The following MGRN1 variants were observed in gnomAD, a reference collection of about 807,000 sequenced individuals.
MGRN1 encodes mahogunin ring finger 1, also known as E3 ubiquitin-protein ligase MGRN1.
In MGRN1, 29 loss-of-function variants were observed where a neutral mutation model predicts 69.2. The ratio of observed to expected loss-of-function variants is 0.42; its 90% confidence interval spans 0.31 to 0.57. The LOEUF is 0.57. MGRN1 is among the 20% of genes least tolerant of loss of function. The probability of loss-of-function intolerance (pLI) is 0.15; values close to 1 mark genes in which losing one functional copy is unlikely to be tolerated. For missense variants in MGRN1, 998 were observed against 796.2 expected, an observed-to-expected ratio of 1.25 and a Z score of -3.05; for synonymous variants, 470 against 344.2, an observed-to-expected ratio of 1.37 and a Z score of -4.04.
intron 1 of MGRN1, among the ~76,000 whole-genome samples, chr16:4,643,156 A>G (rs1358272225): frequency 1.3e-5 from 2 of 151,832 alleles, no homozygotes; most frequent in Non-Finnish European, 2.9e-5. Context: ...GGATTTCGCC[A>G]TGTTGGCCAG....
chr16:4,651,266 G>C (rs772003876), intron 2 of MGRN1, among the ~76,000 whole-genome samples: 2 of 152,188 alleles, frequency 1.3e-5, no homozygotes, highest in African/African-American at 4.8e-5. Flanking sequence ...TGAGCTGTCT[G>C]TTCAGCACAC....
chr16:4,628,007 G>T (rs1423411562), intron 1 of MGRN1, among the ~76,000 whole-genome samples: 1 of 149,146 alleles, frequency 6.7e-6, no homozygotes, highest in Admixed American at 6.7e-5. Flanking sequence ...GTGAACCCAG[G>T]AGGCGGAGGT....
Position 4,665,101 on chromosome 16 carries a change from G to A in MGRN1, c.629-1G>A, listed in dbSNP as rs1388873921. On this transcript the variant is annotated splice_acceptor_variant, in intron 6 of 16. Coordinates refer to ENST00000262370, the MANE Select transcript of MGRN1 (RefSeq NM_015246.4). LOFTEE classifies it high-confidence loss of function. ...CTACTCTGCCCCTCTCTCCCCAGCA[G>A]TGGTGGAAGTGACTGGCCACGCCCA... The A allele has an allele frequency of 6.2e-7, 1 of 1,614,264 alleles. No individual in the cohort carries two copies. The highest frequency in any genetic ancestry group is 1.7e-5 in the Admixed American group (1 of 60,026).
chr16:4,658,901 G>A (rs753785875), intron 5 of MGRN1: 3 of 152,230 alleles, frequency 2.0e-5, no homozygotes, highest in African/African-American at 7.2e-5. Flanking sequence ...GGAGGCTGAG[G>A]TGGGAAGATC....
chr16:4,660,395 A>G (rs1567205009), intron 5 of MGRN1, among the ~76,000 whole-genome samples: 1 of 152,254 alleles, frequency 6.6e-6, no homozygotes, highest in African/African-American at 2.4e-5. Flanking sequence ...AGAGAAGGCT[A>G]TAGCCACCAT....
rs558406151 is a variant in MGRN1 at position 4,680,134 on chromosome 16, C to G, written c.1131+37C>G. 1.2e-5 allele frequency: 20 copies of G among 1,602,072 alleles called. No individual in the cohort carries two copies. The African/African-American group carries it at 2.3e-4, about 18-fold the overall frequency. On this transcript the variant is annotated intron_variant, in intron 12 of 16. Transcript: ENST00000262370. ...GTCCTCCGGCTACGTTTTTTTGCCC[C>G]CGCCCTCATTTTTAAACCCACGACA...
chr16:4,656,865 G>T (rs1325989637), intron 4 of MGRN1, among the ~76,000 whole-genome samples: 2 of 151,584 alleles, frequency 1.3e-5, no homozygotes, highest in Admixed American at 6.6e-5. Flanking sequence ...AGGCGACAGA[G>T]CGAGACTCTT....
At chr16:4,668,151 TCCAG>T in intron 7 of MGRN1, 110 bp from the exon 8 acceptor site, 2 of 730,666 alleles carry the variant, frequency 2.7e-6, no homozygotes, top group Non-Finnish European at 2.3e-6. Context: ...TTTTTCTTTT[TCCAG>T]CTGTGGGCAT....
chr16:4,626,728 C>T (rs1897696939), intron 1 of MGRN1, among the ~76,000 whole-genome samples: 1 of 152,208 alleles, frequency 6.6e-6, no homozygotes, highest in Non-Finnish European at 1.5e-5. Flanking sequence ...CATTTACAGC[C>T]CGCTTCGGGA....
chr16:4,686,898 C>G (rs1430307488), intron 16 of MGRN1: 9 of 985,546 alleles, frequency 9.1e-6, no homozygotes, highest in Non-Finnish European at 9.6e-6. Context: ...TCACGTCTTC[C>G]CAAGCTCAGT....
At chr16:4,645,191 T>G (rs2078249249) in intron 1 of MGRN1, among the ~76,000 whole-genome samples, 1 of 151,858 alleles carries the variant, frequency 6.6e-6, no homozygotes, top group African/African-American at 2.4e-5. Context: ...GACAGGGTCT[T>G]GCTCTGTTGC....
chr16:4,644,567 C>A (rs2078235789), intron 1 of MGRN1, among the ~76,000 whole-genome samples: 1 of 152,160 alleles, frequency 6.6e-6, no homozygotes, highest in South Asian at 2.1e-4. Context: ...ACCTTGGCCT[C>A]CCAAAGTGCT....
intron 11 of MGRN1, among the ~76,000 whole-genome samples, chr16:4,678,039 G>T (rs1027732535): frequency 6.6e-6 from 1 of 152,130 alleles, no homozygotes; most frequent in Non-Finnish European, 1.5e-5. Flanking sequence ...AGTAAGGTGG[G>T]GTTTCCCATG....
At chr16:4,645,936 T>C (rs1246840473) in intron 1 of MGRN1, among the ~76,000 whole-genome samples, 2 of 152,132 alleles carry the variant, frequency 1.3e-5, no homozygotes, top group Admixed American at 1.3e-4. Context: ...GTGCTGTGGT[T>C]GTAGAAATGA....
intron 5 of MGRN1, among the ~76,000 whole-genome samples, chr16:4,660,362 C>G (rs2078649305): frequency 6.6e-6 from 1 of 152,240 alleles, no homozygotes; most frequent in African/African-American, 2.4e-5. Context: ...CACTGTAAAC[C>G]CGTCTGCCAG....
At chr16:4,683,085 T>A in intron 14 of MGRN1, 139 bp downstream of exon 14, 1 of 1,497,266 alleles carries the variant, frequency 6.7e-7, no homozygotes. Flanking sequence ...GCGCGGCTCC[T>A]TAGCCTCGGT....
At chr16:4,644,703 C>G (rs28464623) in intron 1 of MGRN1, among the ~76,000 whole-genome samples, 16,226 of 152,190 alleles carry the variant, frequency 0.11, 1,971 homozygotes, top group African/African-American at 0.3. Flanking sequence ...CAAGTTACTT[C>G]ACAAAAATTG....
Position 4,664,792 on chromosome 16 carries a change from C to G in MGRN1, c.628+17C>G, listed in dbSNP as rs1771212085. 1 of 1,613,868 alleles carries G rather than the reference C, an allele frequency of 6.2e-7. No individual in the cohort carries two copies. Among genetic ancestry groups the G allele is most frequent in the African/African-American group, 1.3e-5 (1 of 74,942 alleles). On this transcript the variant is annotated intron_variant, in intron 6 of 16. Transcript: ENST00000262370. Reference sequence around the variant, plus strand: ...AAGGAGATGGTGAGTGCGTCCTCTTCCGTCCTCCTGGGCGTGCAGGCCGTG... The same window carrying G: ...AAGGAGATGGTGAGTGCGTCCTCTTGCGTCCTCCTGGGCGTGCAGGCCGTG...
chr16:4,665,043 G>T, intron 6 of MGRN1, 59 bp from the exon 7 acceptor site: 1 of 1,596,836 alleles, frequency 6.3e-7, no homozygotes, highest in Non-Finnish European at 8.6e-7. Flanking sequence ...TCGGGGAGGT[G>T]AGATGCCTGG....
Sources: allele counts gnomAD v4.1 joint callset (sites outside exome capture counted in the v4.1 genomes callset), GRCh38; gene constraint gnomAD v4.1.1; transcripts MANE v1.5; gene names NCBI Gene and HGNC (gene_info 2026-07-23, HGNC 2026-07-21).